MYOF: variants seen among roughly 807,000 people sequenced by gnomAD.
MYOF encodes myoferlin.
MYOF carries 244 observed loss-of-function variants against 284.2 expected under a neutral mutation model. That is an observed-to-expected ratio of 0.86 (90% confidence interval 0.77 to 0.95). The LOEUF (loss-of-function observed/expected upper bound fraction) is 0.95. MYOF is among the 40% of genes least tolerant of loss of function. MYOF has a pLI of 0.00. For missense variants in MYOF, 2,496 were observed against 2,560.6 expected (o/e 0.97, Z 0.54); for synonymous variants, 904 against 919.7 (o/e 0.98, Z 0.31).
intron 22 of MYOF, among the ~76,000 whole-genome samples, chr10:93,376,055 T>C (rs1017388682): frequency 2.2e-4 from 33 of 152,208 alleles, no homozygotes; most frequent in African/African-American, 7.7e-4. Flanking sequence ...CAACTTCCCT[T>C]AGACACTGAA....
intron 53 of MYOF, among the ~76,000 whole-genome samples, chr10:93,309,004 G>A (rs538518475): frequency 1.0e-3 from 154 of 152,146 alleles, no homozygotes; most frequent in Admixed American, 7.7e-3. Flanking sequence ...GAGCCACCTC[G>A]CCCAGCTGAT....
At chr10:93,392,507 G>A (rs1216654904) in intron 17 of MYOF, among the ~76,000 whole-genome samples, 2 of 152,150 alleles carry the variant, frequency 1.3e-5, no homozygotes, top group African/African-American at 2.4e-5. Flanking sequence ...AGGGTGCAAA[G>A]TAAAAAACGT....
intron 1 of MYOF, among the ~76,000 whole-genome samples, chr10:93,472,114 T>C (rs2057160523): frequency 6.6e-6 from 1 of 152,198 alleles, no homozygotes; most frequent in African/African-American, 2.4e-5. Flanking sequence ...GCTGCCTTCC[T>C]GCTGATCACT....
intron 45 of MYOF, 90 bp from the exon 46 acceptor site, chr10:93,326,055 G>A: frequency 6.5e-7 from 1 of 1,538,190 alleles, no homozygotes; most frequent in Non-Finnish European, 8.9e-7. Context: ...CTTCATCCCA[G>A]ACTTTGCCAA....
chr10:93,473,139 G>T (rs1159836574), intron 1 of MYOF, among the ~76,000 whole-genome samples: 1 of 152,196 alleles, frequency 6.6e-6, no homozygotes, highest in African/African-American at 2.4e-5. Flanking sequence ...CAAGTATTGT[G>T]TTGGTTACAG....
chr10:93,367,789 C>T (rs1014656410), intron 25 of MYOF, among the ~76,000 whole-genome samples: 1 of 151,362 alleles, frequency 6.6e-6, no homozygotes, highest in Non-Finnish European at 1.5e-5. Context: ...ACATGTGAAG[C>T]ACCTCATAGA....
chr10:93,448,615 T>C (rs2056504005), intron 3 of MYOF, among the ~76,000 whole-genome samples: 1 of 152,140 alleles, frequency 6.6e-6, no homozygotes, highest in Admixed American at 6.6e-5. Flanking sequence ...ACCAGGCTGG[T>C]GGCTGTGGGC....
At chr10:93,426,771 C>T (rs1848605418) in intron 4 of MYOF, among the ~76,000 whole-genome samples, 1 of 152,024 alleles carries the variant, frequency 6.6e-6, no homozygotes, top group South Asian at 2.1e-4. Context: ...CACCTGTAAT[C>T]CCAGCTACTC....
intron 1 of MYOF, among the ~76,000 whole-genome samples, chr10:93,475,404 C>T (rs1159211383): frequency 6.6e-6 from 1 of 152,154 alleles, no homozygotes; most frequent in Non-Finnish European, 1.5e-5. Context: ...TGCAAAATGT[C>T]TTATACACCA....
chr10:93,419,159 T>A (rs531274503), intron 5 of MYOF, among the ~76,000 whole-genome samples: 1 of 150,730 alleles, frequency 6.6e-6, no homozygotes, highest in Non-Finnish European at 1.5e-5. Context: ...GCCCTTCCTT[T>A]TTTCTTCTTT....
At position 93,351,749 on chromosome 10, in the gene MYOF, A is replaced by T. The variant is rs1844526538; in HGVS notation, c.3579T>A (p.Asp1193Glu). 1 of 1,600,004 alleles carries T rather than the reference A, an allele frequency of 6.2e-7. No homozygotes were observed. ...NPTWDQTIIFDEVEIYGEPQT... is the reference protein window; with the variant it reads ...NPTWDQTIIFEEVEIYGEPQT... ...GGGGTTCCCCATAGATTTCAACTTC[A>T]TCGAATATAATTGTTTGGTCCCACG... The change falls in exon 33 of 54, where the codon GAT becomes GAA. Residue 1193 changes from aspartate to glutamate, a missense_variant. Physicochemically the swap from Asp to Glu is conservative, Grantham distance 45. This residue lies in a region of MYOF where 2,436 missense variants were observed against 2,480.7 expected (regional missense o/e 0.98). Coordinates refer to ENST00000359263, the MANE Select transcript of MYOF (RefSeq NM_013451.4).
Position 93,363,990 on chromosome 10 carries a change from T to G in MYOF, c.2839A>C (p.Lys947Gln). ...TCCGTGTAGGTGTCCTCGGCCGGCT[T>G]CCAGTCGCCCCCGGGGTAGCGGCTC... ...NESRYPGGDW[K>Q]PAEDTYTDAN... Residue 947 changes from lysine (K) to glutamine (Q), a missense_variant, in exon 27 of 54, where the codon AAG (lysine) becomes CAG (glutamine). By Grantham distance (53) the Lys-to-Gln change is moderately conservative. Around this residue, in one of 3 missense-constraint regions of MYOF, gnomAD observed 2,436 missense variants for 2,480.7 expected, o/e 0.98. Transcript: ENST00000359263. 6.2e-7 allele frequency: 1 copy of G among 1,614,190 alleles called. No individual in the cohort carries two copies. The highest frequency in any genetic ancestry group is 8.5e-7 in the Non-Finnish European group (1 of 1,180,030).
intron 2 of MYOF, among the ~76,000 whole-genome samples, chr10:93,454,816 A>G (rs2056694789): frequency 6.6e-6 from 1 of 151,922 alleles, no homozygotes; most frequent in African/African-American, 2.4e-5. Flanking sequence ...AATCTCTACA[A>G]ATGTTTTTTA....
intron 5 of MYOF, among the ~76,000 whole-genome samples, chr10:93,418,072 T>C (rs902050269): frequency 3.3e-5 from 5 of 152,176 alleles, no homozygotes; most frequent in African/African-American, 1.2e-4. Flanking sequence ...AAAGTCCTGG[T>C]ATTTCAGGCA....
chr10:93,338,492 T>C, intron 39 of MYOF: 1 of 456,946 alleles, frequency 2.2e-6, no homozygotes, highest in Non-Finnish European at 4.4e-6. Context: ...AATAACACAA[T>C]GGACAAAGCA....
chr10:93,380,306 A>G (rs887651076), intron 20 of MYOF, among the ~76,000 whole-genome samples: 1 of 152,240 alleles, frequency 6.6e-6, no homozygotes, highest in Admixed American at 6.5e-5. Context: ...CAGATGACAT[A>G]GGAAGCTAGA....
At chr10:93,408,275 C>A (rs192650699) in intron 7 of MYOF, among the ~76,000 whole-genome samples, 87 of 152,204 alleles carry the variant, frequency 5.7e-4, no homozygotes, top group African/African-American at 1.7e-3. Context: ...GCTGGCCGGG[C>A]GCGGTGGCTC....
intron 2 of MYOF, among the ~76,000 whole-genome samples, chr10:93,452,542 C>T (rs1321876906): frequency 8.8e-6 from 1 of 113,808 alleles, no homozygotes; most frequent in Non-Finnish European, 1.6e-5. Flanking sequence ...ACATCACACA[C>T]TGGGGCCCGT....
chr10:93,474,454 C>T (rs1488191045), intron 1 of MYOF, among the ~76,000 whole-genome samples: 1 of 152,270 alleles, frequency 6.6e-6, no homozygotes, highest in East Asian at 1.9e-4. Context: ...TCTCCACAAG[C>T]TTTTTCACTC....
Sources: allele counts gnomAD v4.1 joint callset (sites outside exome capture counted in the v4.1 genomes callset), GRCh38; gene constraint gnomAD v4.1.1; regional missense constraint gnomAD v4.1.1; transcripts MANE v1.5; gene names NCBI Gene and HGNC (gene_info 2026-07-23, HGNC 2026-07-21).